SCN11A: variants seen among roughly 807,000 people sequenced by gnomAD.
SCN11A encodes sodium channel protein type 11 subunit alpha.
In SCN11A, 122 loss-of-function variants were observed where a neutral mutation model predicts 162.2. The observed-to-expected ratio is 0.75, with a 90% confidence interval of 0.65 to 0.87. The LOEUF (loss-of-function observed/expected upper bound fraction) is 0.87, where lower values mean the gene tolerates loss of function less well. SCN11A is among the 40% of genes least tolerant of loss of function. The pLI is 0.00. For missense variants in SCN11A, 2,015 were observed against 2,181.6 expected (o/e 0.92, Z 1.52); for synonymous variants, 758 against 751.5 (o/e 1.01, Z -0.14).
At position 38,987,297 on chromosome 3, in the gene SCN11A, TCTCTCTCACACA is replaced by T. The variant is rs1260120438; in HGVS notation, c.-279-26886_-279-26875del. 8.5e-5 allele frequency among the ~76,000 whole-genome samples: 10 copies of T among 117,182 alleles called. No individual in the cohort carries two copies. The East Asian group carries it at 9.8e-4, about 11-fold the overall frequency. 76.9% of individuals were successfully genotyped at this position (117,182 alleles called of 152,430 possible). ...GTGCCTTTCTCTCTCTCTCTCTCTC[TCTCTCTCACACA>T]CACACACACACACACACACACACAC... On this transcript the variant is annotated intron_variant, in intron 2 of 29. Coordinates refer to ENST00000302328, the MANE Select transcript of SCN11A (RefSeq NM_001349253.2).
chr3:39,015,270 T>C lies in SCN11A; in HGVS notation c.-280+17110A>G, dbSNP rs568222758. Among the ~76,000 whole-genome samples the C allele has an allele frequency of 2.0e-5, 3 of 152,316 alleles. No individual in the cohort carries two copies. The South Asian group carries it at 6.2e-4, about 32-fold the overall frequency. On this transcript the variant is annotated intron_variant, in intron 2 of 29. Transcript: ENST00000302328. ...GCATAGTAAGAAAGCCCTTGACAGA[T>C]GCCAGCCTCTTGATCTTGGACTTTT...
chr3:39,047,592 C>T (rs2032214907), intron 1 of SCN11A, among the ~76,000 whole-genome samples: 2 of 152,112 alleles, frequency 1.3e-5, no homozygotes, highest in Middle Eastern at 3.4e-3. Flanking sequence ...AATGAGACAG[C>T]CTACAGAATG....
chr3:38,883,766 C>G (rs1441881548), intron 21 of SCN11A, among the ~76,000 whole-genome samples: 4 of 152,212 alleles, frequency 2.6e-5, no homozygotes, highest in African/African-American at 4.8e-5. Context: ...CTAGATAACA[C>G]TTGCATGAAT....
chr3:38,989,230 A>G (rs2030374945), intron 2 of SCN11A, among the ~76,000 whole-genome samples: 1 of 152,188 alleles, frequency 6.6e-6, no homozygotes, highest in Admixed American at 6.5e-5. Context: ...CATTAACTCC[A>G]GCCATGCAAT....
chr3:39,022,749 T>G (rs1335011097), intron 2 of SCN11A, among the ~76,000 whole-genome samples: 6 of 151,924 alleles, frequency 3.9e-5, no homozygotes, highest in Admixed American at 6.6e-5. Context: ...GGCACGGTGG[T>G]GCATGCCTGT....
intron 2 of SCN11A, among the ~76,000 whole-genome samples, chr3:38,979,433 T>C (rs1330825559): frequency 1.3e-5 from 2 of 152,200 alleles, no homozygotes; most frequent in South Asian, 2.1e-4. Flanking sequence ...TCACAAGTTT[T>C]GAGAGTCAGT....
intron 28 of SCN11A, among the ~76,000 whole-genome samples, chr3:38,861,729 C>T (rs1257974667): frequency 6.6e-6 from 1 of 152,104 alleles, no homozygotes; most frequent in African/African-American, 2.4e-5. Context: ...TCACCTGGTA[C>T]AAAAATCAAC....
chr3:38,857,900 TTCATAAAAAG>T (rs2064896469), intron 28 of SCN11A, among the ~76,000 whole-genome samples: 1 of 152,048 alleles, frequency 6.6e-6, no homozygotes, highest in Non-Finnish European at 1.5e-5. Context: ...AAAACTAAGC[TTCATAAAAAG>T]AGGGAGAGAT....
At chr3:39,008,242 C>A (rs991048808) in intron 2 of SCN11A, among the ~76,000 whole-genome samples, 1 of 152,040 alleles carries the variant, frequency 6.6e-6, no homozygotes, top group Non-Finnish European at 1.5e-5. Flanking sequence ...AATGGAAAAT[C>A]ATTTCCAAAT....
At chr3:38,965,442 G>A (rs769710100) in intron 2 of SCN11A, among the ~76,000 whole-genome samples, 1 of 152,204 alleles carries the variant, frequency 6.6e-6, no homozygotes, top group Middle Eastern at 3.4e-3. Context: ...TTCGCCCAGT[G>A]CAAGCCCTTC....
At chr3:38,877,176 GTA>G (rs1212463295) in intron 23 of SCN11A, among the ~76,000 whole-genome samples, 1 of 81,456 alleles carries the variant, frequency 1.2e-5, no homozygotes, top group Non-Finnish European at 2.2e-5. Flanking sequence ...TATATATATG[GTA>G]TATATATGGT....
intron 1 of SCN11A, among the ~76,000 whole-genome samples, chr3:39,041,923 A>G (rs887529618): frequency 6.6e-6 from 1 of 152,222 alleles, no homozygotes; most frequent in African/African-American, 2.4e-5. Context: ...CCTTGAATGT[A>G]AATGGATTAA....
intron 29 of SCN11A, among the ~76,000 whole-genome samples, chr3:38,848,410 A>C (rs7633981): frequency 0.58 from 88,356 of 151,652 alleles, 26,973 homozygotes; most frequent in African/African-American, 0.79. Context: ...CATGGGCAGT[A>C]TTTGAGTGCC....
rs928329097 is a variant in SCN11A, at chr3:38,937,407, A to G, written c.488+8004T>C. On this transcript the variant is annotated intron_variant, in intron 7 of 29. Coordinates refer to ENST00000302328, the MANE Select transcript of SCN11A (RefSeq NM_001349253.2). ...TAAACTAAAGAGCTTCTGCACAGCA[A>G]AAGAAACTACCGTCAGAGTTAACAG... 4.7e-5 allele frequency among the ~76,000 whole-genome samples: 7 copies of G among 149,994 alleles called. 1 individual carries two copies. Among genetic ancestry groups the G allele is most frequent in the Admixed American group, 3.3e-4 (5 of 15,126 alleles).
At chr3:39,012,482 CTTTCT>C (rs1373262417) in intron 2 of SCN11A, among the ~76,000 whole-genome samples, 14 of 123,414 alleles carry the variant, frequency 1.1e-4, no homozygotes, top group African/African-American at 3.7e-4. Context: ...CTCTTTCTCT[CTTTCT>C]TTTTTTTTTT....
At chr3:38,873,184 C>T (rs1262045394) in intron 23 of SCN11A, among the ~76,000 whole-genome samples, 1 of 152,122 alleles carries the variant, frequency 6.6e-6, no homozygotes. Flanking sequence ...CTTCTATTAT[C>T]ACAATGGAAT....
chr3:38,960,222 A>AG (rs773699066), intron 3 of SCN11A, among the ~76,000 whole-genome samples, 61 bp downstream of exon 3: 14 of 152,214 alleles, frequency 9.2e-5, no homozygotes, highest in Non-Finnish European at 1.8e-4. Flanking sequence ...ACCAAGTTCC[A>AG]GGTGGCAGGT....
rs1020422310 is a variant in SCN11A, at chr3:38,926,946, A to C, written c.489-15T>G. 1.2e-6 allele frequency: 2 copies of C among 1,608,474 alleles called. No individual in the cohort carries two copies. The highest frequency in any genetic ancestry group is 1.7e-6 in the Non-Finnish European group (2 of 1,177,196). ...TGAAGACACACCTAAAAAGCAAATC[A>C]TTTACAACAGGAAGAAACATGATAA... On this transcript the variant is annotated splice_polypyrimidine_tract_variant and intron_variant, in intron 7 of 29. Coordinates refer to ENST00000302328, the MANE Select transcript of SCN11A (RefSeq NM_001349253.2).
intron 26 of SCN11A, among the ~76,000 whole-genome samples, chr3:38,868,497 T>C (rs57214703): frequency 0.25 from 38,587 of 152,162 alleles, 5,039 homozygotes; most frequent in Middle Eastern, 0.3. Context: ...CTTTGAGATA[T>C]AGGAATGTCT....
Sources: allele counts gnomAD v4.1 joint callset (sites outside exome capture counted in the v4.1 genomes callset), GRCh38; gene constraint gnomAD v4.1.1; transcripts MANE v1.5; gene names NCBI Gene and HGNC (gene_info 2026-07-23, HGNC 2026-07-21).